Variants in ZNF407 observed in about 807,000 individuals in gnomAD.
The protein encoded by ZNF407 is zinc finger protein 407.
A neutral mutation model predicts 131.2 loss-of-function variants in ZNF407; 17 were observed. The ratio of observed to expected loss-of-function variants is 0.13; its 90% CI spans 0.09 to 0.19. ZNF407 has a LOEUF of 0.19. Ranked by LOEUF, ZNF407 falls within the 10% of genes least tolerant of loss-of-function variation. The pLI is 1.00. For synonymous variants in ZNF407, 1,156 were observed against 1,062.0 expected (o/e 1.09, Z -1.72); for missense variants, 2,681 against 2,830.6 (o/e 0.95, Z 1.20).
chr18:74,888,298 A>G (rs1971338143), intron 6 of ZNF407, among the ~76,000 whole-genome samples: 1 of 152,126 alleles, frequency 6.6e-6, no homozygotes. Flanking sequence ...TACAAGTATA[A>G]TGTGATCTAT....
intron 3 of ZNF407, among the ~76,000 whole-genome samples, chr18:74,681,697 G>C (rs1966986905): frequency 6.6e-6 from 1 of 152,148 alleles, no homozygotes; most frequent in Admixed American, 6.5e-5. Context: ...ATTCTCTGAA[G>C]TTTCCCATCC....
At chr18:74,887,079 A>G (rs1971320724) in intron 6 of ZNF407, among the ~76,000 whole-genome samples, 1 of 152,212 alleles carries the variant, frequency 6.6e-6, no homozygotes, top group African/African-American at 2.4e-5. Flanking sequence ...CAAATCTTAT[A>G]AATGTTTTCA....
chr18:74,798,845 T>C (rs1433512912), intron 4 of ZNF407, among the ~76,000 whole-genome samples: 3 of 152,148 alleles, frequency 2.0e-5, no homozygotes, highest in Non-Finnish European at 4.4e-5. Context: ...TTGTTTTCTC[T>C]TTGAACTCCC....
rs181640628 is a variant in ZNF407 at position 74,928,295 on chromosome 18, C to T, written c.5428+7603C>T. On this transcript the variant is annotated intron_variant, in intron 8 of 8. Transcript: ENST00000299687. ...GGCAATTGGTTAAGTTAACCTTTGC[C>T]TGAAGACTTGAAGCCAGCAGAAAGA... Among the ~76,000 whole-genome samples the T allele has an allele frequency of 9.2e-5, 14 of 152,192 alleles. No individual in the cohort carries two copies. In the East Asian group the frequency reaches 2.1e-3, roughly 23 times the overall value.
chr18:74,821,729 A>G (rs1326135410), intron 4 of ZNF407, among the ~76,000 whole-genome samples: 3 of 152,194 alleles, frequency 2.0e-5, no homozygotes, highest in South Asian at 2.1e-4. Context: ...CGCAATAAAC[A>G]TATGTGTGCA....
At chr18:74,882,923 A>C (rs1463197662) in intron 6 of ZNF407, among the ~76,000 whole-genome samples, 1 of 152,204 alleles carries the variant, frequency 6.6e-6, no homozygotes, top group African/African-American at 2.4e-5. Context: ...ATGCCATTGA[A>C]GTTCACCTTG....
intron 3 of ZNF407, among the ~76,000 whole-genome samples, chr18:74,665,115 AT>A (rs1472984650): frequency 6.6e-6 from 1 of 152,194 alleles, no homozygotes; most frequent in Non-Finnish European, 1.5e-5. Context: ...CAGTAAATTC[AT>A]TTTTTTCCTG....
chr18:74,760,429 G>A (rs867999413), intron 3 of ZNF407, among the ~76,000 whole-genome samples: 1 of 152,110 alleles, frequency 6.6e-6, no homozygotes, highest in Non-Finnish European at 1.5e-5. Flanking sequence ...GGAGTATGTT[G>A]GAGCTTTTCT....
At position 74,663,597 on chromosome 18, in the gene ZNF407, G is replaced by A. The variant is rs182689213; in HGVS notation, c.4802+22475G>A. ...GGGAAATTTCACGATAACAAACTGC[G>A]CATTTAGGATAATATTTCAGGAGTT... On this transcript the variant is annotated intron_variant, in intron 3 of 8. Transcript: ENST00000299687. 1.9e-3 allele frequency among the ~76,000 whole-genome samples: 296 copies of A among 152,216 alleles called. 1 individual carries two copies. Among genetic ancestry groups the A allele is most frequent in the Middle Eastern group, 0.014 (4 of 294 alleles).
intron 8 of ZNF407, among the ~76,000 whole-genome samples, chr18:74,932,028 G>A (rs2959160): frequency 0.22 from 33,938 of 152,036 alleles, 5,039 homozygotes; most frequent in African/African-American, 0.41. Context: ...AAAAGTCATA[G>A]TATTCATAAG....
chr18:74,663,127 T>G (rs1282554072), intron 3 of ZNF407, among the ~76,000 whole-genome samples: 2 of 151,982 alleles, frequency 1.3e-5, no homozygotes, highest in African/African-American at 2.4e-5. Flanking sequence ...GCAACCTAGT[T>G]TTTTTTTAAG....
At chr18:75,006,241 T>G (rs909643761) in intron 8 of ZNF407, among the ~76,000 whole-genome samples, 8 of 152,356 alleles carry the variant, frequency 5.3e-5, no homozygotes, top group Middle Eastern at 3.4e-3. Context: ...ATGACAGCTT[T>G]TAGATGTATT....
chr18:74,822,564 C>G (rs1052157436), intron 4 of ZNF407, among the ~76,000 whole-genome samples: 1 of 152,100 alleles, frequency 6.6e-6, no homozygotes, highest in African/African-American at 2.4e-5. Flanking sequence ...TGTCAAAGAT[C>G]AGATGGTTGT....
chr18:74,824,170 C>T (rs904721552), intron 4 of ZNF407, among the ~76,000 whole-genome samples: 3 of 152,076 alleles, frequency 2.0e-5, no homozygotes, highest in Non-Finnish European at 2.9e-5. Context: ...CCAATGAGAA[C>T]AAAGACACAA....
chr18:74,736,307 A>G (rs1272229002), intron 3 of ZNF407, among the ~76,000 whole-genome samples: 1 of 152,188 alleles, frequency 6.6e-6, no homozygotes, highest in Non-Finnish European at 1.5e-5. Flanking sequence ...ATATTTCTAA[A>G]GATAGGATTA....
intron 4 of ZNF407, among the ~76,000 whole-genome samples, chr18:74,856,734 A>G (rs1970864184): frequency 6.6e-6 from 1 of 152,250 alleles, no homozygotes; most frequent in African/African-American, 2.4e-5. Flanking sequence ...TTTAAATGCA[A>G]TCATTGTCAA....
chr18:74,658,386 G>T lies in ZNF407; in HGVS notation c.4802+17264G>T, dbSNP rs558625456. 2.0e-5 allele frequency among the ~76,000 whole-genome samples: 3 copies of T among 152,202 alleles called. No individual in the cohort carries two copies. In the East Asian group the frequency reaches 5.8e-4, roughly 29 times the overall value. On this transcript the variant is annotated intron_variant, in intron 3 of 8. Transcript: ENST00000299687. ...CCCACCTCGGCCTCCCAAAGTGTGG[G>T]ATTACAGGTGTGTGCCACCGCGCCT...
chr18:74,862,108 T>C (rs1478859463), intron 4 of ZNF407, among the ~76,000 whole-genome samples: 1 of 152,256 alleles, frequency 6.6e-6, no homozygotes, highest in Admixed American at 6.5e-5. Context: ...TTCTCTAAAA[T>C]TGTTTAAATT....
chr18:74,944,760 A>T (rs1972136149), intron 8 of ZNF407, among the ~76,000 whole-genome samples: 1 of 152,208 alleles, frequency 6.6e-6, no homozygotes, highest in African/African-American at 2.4e-5. Flanking sequence ...CTTTATAAAC[A>T]AACTATATAA....
Sources: gnomAD v4.1 joint callset for allele counts (sites outside exome capture counted in the v4.1 genomes callset) on GRCh38, gnomAD v4.1.1 for gene constraint, MANE v1.5 for transcripts, NCBI Gene and HGNC (gene_info 2026-07-23, HGNC 2026-07-21) for gene names.